VDAC1: variants seen among roughly 807,000 people sequenced by gnomAD.
VDAC1 encodes non-selective voltage-gated ion channel VDAC1.
A neutral mutation model predicts 34.7 loss-of-function variants in VDAC1; 10 were observed. The observed-to-expected ratio is 0.29, with a 90% CI of 0.18 to 0.49. The LOEUF (loss-of-function observed/expected upper bound fraction) is 0.49. Ranked by LOEUF, VDAC1 falls within the 20% of genes least tolerant of loss-of-function variation. The pLI is 0.99. For missense variants in VDAC1, 230 were observed against 347.9 expected (o/e 0.66, Z 2.69); for synonymous variants, 130 against 136.0 (o/e 0.96, Z 0.30).
the VDAC1 span, among the ~76,000 whole-genome samples, chr5:134,087,082 C>T: frequency 1.4e-4 from 22 of 152,256 alleles, no homozygotes; most frequent in South Asian, 4.1e-3. Context: ...AGAATGCCTC[C>T]ACTGCCTTTG....
At chr5:133,996,204 A>C (rs1161332563) in intron 1 of VDAC1, among the ~76,000 whole-genome samples, 1 of 152,180 alleles carries the variant, frequency 6.6e-6, no homozygotes. Context: ...ACTGGTTGGT[A>C]GGAAACAGAG....
At chr5:134,072,793 C>T in the VDAC1 span, among the ~76,000 whole-genome samples, 1 of 152,198 alleles carries the variant, frequency 6.6e-6, no homozygotes, top group Non-Finnish European at 1.5e-5. Flanking sequence ...ATTGTGACCT[C>T]CTGCAGTCCA....
Position 133,992,358 on chromosome 5 carries a change from A to G in VDAC1, c.68-3T>C, listed in dbSNP as rs762806043. The G allele has an allele frequency of 3.2e-6, 5 of 1,571,940 alleles. No individual in the cohort carries two copies. The South Asian group carries it at 3.6e-5, about 11-fold the overall frequency. ...ATCAAGCTTTATTAAGCCAAATCCT[A>G]AAGAAAGAAGAAGACAACTGTCAAT... is the stretch of plus-strand genomic sequence containing the variant. On this transcript the variant is annotated splice_polypyrimidine_tract_variant and splice_region_variant and intron_variant, in intron 2 of 8. Coordinates refer to ENST00000265333, the MANE Select transcript of VDAC1 (RefSeq NM_003374.3).
At position 133,972,478 on chromosome 5, in the gene VDAC1, T is replaced by C; in HGVS notation, c.*293A>G. 2.2e-6 allele frequency: 1 copy of C among 462,834 alleles called. No homozygotes were observed. Among genetic ancestry groups the C allele is most frequent in the Non-Finnish European group, 3.8e-6 (1 of 264,958 alleles). The allele number at this position is 462,834 out of a possible 1,614,324, so 28.7% of individuals were successfully genotyped here. A position where few individuals can be genotyped will look rare whatever the true frequency, so the allele number is the denominator to read the frequency against. On this transcript the variant is annotated 3_prime_UTR_variant, in exon 9 of 9. Transcript: ENST00000265333. ...ACTCAATATGAATTTACAAAGTGCCTACATATTATCCGCTTCCACTTGCAG... is the reference window on the plus strand; with the variant it reads ...ACTCAATATGAATTTACAAAGTGCCCACATATTATCCGCTTCCACTTGCAG...
chr5:134,001,476 G>A (rs1168976767), intron 1 of VDAC1, among the ~76,000 whole-genome samples: 3 of 152,194 alleles, frequency 2.0e-5, no homozygotes, highest in African/African-American at 4.8e-5. Flanking sequence ...CCGCACTTTA[G>A]GAGGCCGAGG....
At chr5:134,008,822 A>G (rs1753792407), upstream of VDAC1, among the ~76,000 whole-genome samples, 1 of 152,250 alleles carries the variant, frequency 6.6e-6, no homozygotes, top group African/African-American at 2.4e-5. Flanking sequence ...TAATTGGATT[A>G]TAAAGTTGCA....
At chr5:134,001,695 C>T (rs1350185889) in intron 1 of VDAC1, among the ~76,000 whole-genome samples, 6 of 127,218 alleles carry the variant, frequency 4.7e-5, no homozygotes, top group Admixed American at 9.3e-5. Flanking sequence ...CCAGCCTGGG[C>T]AACAGAGTGA....
the VDAC1 span, among the ~76,000 whole-genome samples, chr5:134,047,472 A>G: frequency 6.6e-6 from 1 of 152,170 alleles, no homozygotes; most frequent in African/African-American, 2.4e-5. Context: ...GACCATTCCT[A>G]TGGGAGAGAG....
intron 8 of VDAC1, 36 bp from the exon 9 acceptor site, chr5:133,972,898 G>A (rs751175216): frequency 9.8e-6 from 15 of 1,527,228 alleles, no homozygotes; most frequent in Non-Finnish European, 1.4e-5. Flanking sequence ...GAAAGGAGGA[G>A]GAATGGAGGA....
At chr5:134,057,100 C>G in the VDAC1 span, among the ~76,000 whole-genome samples, 1 of 152,096 alleles carries the variant, frequency 6.6e-6, no homozygotes, top group Admixed American at 6.6e-5. Context: ...TTTAGGAGGC[C>G]GACGCAGGTG....
the VDAC1 span, among the ~76,000 whole-genome samples, chr5:134,049,649 A>G: frequency 6.6e-6 from 1 of 152,116 alleles, no homozygotes; most frequent in African/African-American, 2.4e-5. Flanking sequence ...GTGTGATCTC[A>G]GCTCACTGCA....
chr5:134,095,721 C>G, the VDAC1 span, among the ~76,000 whole-genome samples: 3 of 152,096 alleles, frequency 2.0e-5, no homozygotes, highest in Non-Finnish European at 2.9e-5. Context: ...ACTGCACTGC[C>G]CAGTTTAGCA....
chr5:134,039,249 A>AT, the VDAC1 span, among the ~76,000 whole-genome samples: 5 of 152,192 alleles, frequency 3.3e-5, no homozygotes, highest in Non-Finnish European at 5.9e-5. Context: ...GAGAGCCCTA[A>AT]TAAATACTGA....
the VDAC1 span, among the ~76,000 whole-genome samples, chr5:134,074,125 A>G: frequency 6.6e-6 from 1 of 151,948 alleles, no homozygotes; most frequent in Non-Finnish European, 1.5e-5. Flanking sequence ...AGCCTGGCTA[A>G]CATGGTGAAA....
chr5:134,062,699 T>C, the VDAC1 span, among the ~76,000 whole-genome samples: 1 of 151,736 alleles, frequency 6.6e-6, no homozygotes. Flanking sequence ...CAATCTCGGC[T>C]CACTGCAACC....
intron 2 of VDAC1, 132 bp downstream of exon 2, chr5:133,992,814 G>T: frequency 1.2e-6 from 1 of 857,148 alleles, no homozygotes; most frequent in Non-Finnish European, 1.8e-6. Context: ...ACAAATGAAA[G>T]CTTCTTTTTT....
chr5:134,032,705 G>T, the VDAC1 span, among the ~76,000 whole-genome samples: 29 of 152,254 alleles, frequency 1.9e-4, no homozygotes, highest in African/African-American at 7.0e-4. Context: ...AGTATGTATG[G>T]TATGCTCCTT....
At chr5:134,027,431 GACAGCCCCT>G in the VDAC1 span, among the ~76,000 whole-genome samples, 1 of 152,176 alleles carries the variant, frequency 6.6e-6, no homozygotes, top group Non-Finnish European at 1.5e-5. Context: ...ACAAGAGAGC[GACAGCCCCT>G]CCCTGCCTTC....
At chr5:133,982,890 CAAAA>C (rs1382644803) in intron 5 of VDAC1, among the ~76,000 whole-genome samples, 1 of 69,378 alleles carries the variant, frequency 1.4e-5, no homozygotes, top group Non-Finnish European at 3.1e-5. Flanking sequence ...AACTCAGTCT[CAAAA>C]AAAAAAAAAA....
Sources: allele counts gnomAD v4.1 joint callset (sites outside exome capture counted in the v4.1 genomes callset), GRCh38; gene constraint gnomAD v4.1.1; transcripts MANE v1.5; gene names NCBI Gene and HGNC (gene_info 2026-07-23, HGNC 2026-07-21).